Variants in PAPOLA observed in about 807,000 individuals in gnomAD.
PAPOLA encodes polynucleotide adenylyltransferase alpha.
Under a neutral mutation model 100.6 loss-of-function variants are expected in PAPOLA, and 15 were observed. The ratio of observed to expected loss-of-function variants is 0.15; its 90% CI spans 0.10 to 0.23. The LOEUF is 0.23. Among genes scored for constraint, PAPOLA ranks in the 10% least tolerant of loss-of-function variants. The probability of loss-of-function intolerance (pLI) is 1.00; values close to 1 mark genes in which losing one functional copy is unlikely to be tolerated. For synonymous variants in PAPOLA, 293 were observed against 300.0 expected (o/e 0.98, Z 0.24); for missense variants, 533 against 884.2 (o/e 0.60, Z 5.04).
chr14:96,510,670 A>G (rs753282514), intron 1 of PAPOLA, among the ~76,000 whole-genome samples: 2 of 152,188 alleles, frequency 1.3e-5, no homozygotes, highest in Non-Finnish European at 2.9e-5. Flanking sequence ...TATTAACATC[A>G]TCTTTGAGCC....
At chr14:96,537,297 A>G in intron 12 of PAPOLA, 1 of 492,434 alleles carries the variant, frequency 2.0e-6, no homozygotes, top group Non-Finnish European at 3.7e-6. Context: ...TAGCAACATA[A>G]GTTCTGTAGG....
At chr14:96,518,630 C>T (rs1483330783) in intron 1 of PAPOLA, among the ~76,000 whole-genome samples, 1 of 152,046 alleles carries the variant, frequency 6.6e-6, no homozygotes, top group East Asian at 1.9e-4. Context: ...ATCTCCTGAC[C>T]TCGTGATCCG....
intron 13 of PAPOLA, chr14:96,542,556 A>G (rs555538039): frequency 1.8e-6 from 1 of 550,906 alleles, no homozygotes; most frequent in Non-Finnish European, 3.2e-6. Flanking sequence ...TGTTTTTCTT[A>G]AAATTTTTGT....
At chr14:96,552,280 T>G (rs371623556) in intron 16 of PAPOLA, among the ~76,000 whole-genome samples, 200 bp from the exon 17 acceptor site, 1 of 152,194 alleles carries the variant, frequency 6.6e-6, no homozygotes, top group East Asian at 1.9e-4. Context: ...AGAACTATAT[T>G]TAATGTTGAT....
At position 96,542,909 on chromosome 14, in the gene PAPOLA, ATTTAATTTCTT is replaced by A. The variant is rs1900107204; in HGVS notation, c.1289+17_1289+27del. On this transcript the variant is annotated intron_variant, in intron 14 of 21. Transcript: ENST00000216277. ...ATCCCGACAAGTAAGCCCTTTTCTA[ATTTAATTTCTT>A]CTTCCCATTTCCAATTTTTATTCAT... The A allele has an allele frequency of 1.2e-6, 2 of 1,607,744 alleles. No homozygotes were observed. The highest frequency in any genetic ancestry group is 2.7e-5 in the African/African-American group (2 of 74,392).
intron 1 of PAPOLA, among the ~76,000 whole-genome samples, chr14:96,507,765 G>A (rs1896833751): frequency 6.6e-6 from 1 of 152,150 alleles, no homozygotes; most frequent in African/African-American, 2.4e-5. Flanking sequence ...GGGGTCCTGA[G>A]ACCAAAATGT....
rs1900933897 is a variant in PAPOLA at position 96,552,616 on chromosome 14, C to A, written c.1658C>A (p.Ser553Tyr). 1.2e-6 allele frequency: 2 copies of A among 1,611,970 alleles called. No homozygotes were observed. The highest frequency in any genetic ancestry group is 1.7e-6 in the Non-Finnish European group (2 of 1,179,288). Residue 553 changes from serine to tyrosine, a missense_variant, in exon 17 of 22, where the codon TCT becomes TAT. Ser to Tyr is a moderately radical substitution (Grantham distance 144, BLOSUM62 -2). Around this residue, in one of 9 missense-constraint regions of PAPOLA, gnomAD observed 242 missense variants for 281.0 expected, o/e 0.86. Transcript: ENST00000216277. The stretch of plus-strand genomic sequence containing the variant: ...AGTCCATTGAACAGTTCTGGCAGCT[C>A]TCAGGGGTAAGGAAAAAGAGGGAAA... The part of the protein sequence containing the change: ...KTSPLNSSGS[S>Y]QGRNSPAPAV...
intron 19 of PAPOLA, among the ~76,000 whole-genome samples, chr14:96,559,550 CCTCTCTCTCT>C (rs66829530): frequency 3.4e-5 from 4 of 118,482 alleles, no homozygotes; most frequent in Admixed American, 1.7e-4. Context: ...GCTAAATTAA[CCTCTCTCTCT>C]CTCTCTCTCT....
chr14:96,516,719 C>T (rs76881591), intron 1 of PAPOLA, among the ~76,000 whole-genome samples: 11,844 of 152,178 alleles, frequency 0.078, 491 homozygotes, highest in African/African-American at 0.11. Context: ...AGATGATGTG[C>T]CTACATTTGG....
intron 4 of PAPOLA, chr14:96,526,027 A>T (rs1837318056): frequency 6.6e-6 from 1 of 152,214 alleles, no homozygotes; most frequent in Non-Finnish European, 1.5e-5. Flanking sequence ...TTATAGACAA[A>T]TTATAAAATA....
chr14:96,533,167 C>T (rs1215820833), intron 9 of PAPOLA: 5 of 983,746 alleles, frequency 5.1e-6, no homozygotes, highest in Non-Finnish European at 6.0e-6. Context: ...TAGTCATTAA[C>T]CCAGATTTTT....
At chr14:96,535,737 C>G (rs1306590680) in intron 10 of PAPOLA, 142 bp from the exon 11 acceptor site, 13 of 815,540 alleles carry the variant, frequency 1.6e-5, no homozygotes, top group Non-Finnish European at 2.2e-5. Flanking sequence ...AACAATGTCT[C>G]TCTACATGGT....
chr14:96,537,759 A>G (rs1899658747), intron 12 of PAPOLA: 1 of 151,998 alleles, frequency 6.6e-6, no homozygotes, highest in Non-Finnish European at 1.5e-5. Context: ...TGGGCTGAAA[A>G]TGTGCCAAAG....
Position 96,502,482 on chromosome 14 carries a change from C to G in PAPOLA, c.-111C>G, listed in dbSNP as rs1397456294. ...AGCGGTGCGGGAGAGGGGTTGGACC[C>G]AGGGCTGAGGCAGGCCCCCCCCTCC... On this transcript the variant is annotated 5_prime_UTR_variant, in exon 1 of 22. Transcript: ENST00000216277. 3 of 831,532 alleles carry G rather than the reference C, an allele frequency of 3.6e-6. No individual in the cohort carries two copies. Among genetic ancestry groups the G allele is most frequent in the African/African-American group, 1.7e-5 (1 of 58,376 alleles). The allele number at this position is 831,532 out of a possible 1,614,324, so 51.5% of individuals were successfully genotyped here.
At chr14:96,502,766 C>T (rs976430091) in intron 1 of PAPOLA, 166 bp downstream of exon 1, 15 of 629,868 alleles carry the variant, frequency 2.4e-5, no homozygotes, top group Admixed American at 1.5e-4. Flanking sequence ...CGCTCGCCGC[C>T]GCACTTCCCC....
intron 17 of PAPOLA, among the ~76,000 whole-genome samples, chr14:96,555,344 G>T (rs916336103): frequency 3.3e-5 from 5 of 150,710 alleles, no homozygotes; most frequent in African/African-American, 1.2e-4. Flanking sequence ...GAGTGCTAGG[G>T]TTACAGGCGT....
Position 96,520,047 on chromosome 14 carries a change from GT to G in PAPOLA, c.9-5del, listed in dbSNP as rs1446928146. The G allele has an allele frequency of 1.3e-6, 2 of 1,586,530 alleles. No homozygotes were observed. Among genetic ancestry groups the G allele is most frequent in the Non-Finnish European group, 1.7e-6 (2 of 1,168,594 alleles). Reference sequence around the variant, plus strand: ...TTTGGCAGTAATTGTATCCAATTTTGTTTATAGTCCAGTTACAACACAGGGA... The same window carrying G: ...TTTGGCAGTAATTGTATCCAATTTTGTTATAGTCCAGTTACAACACAGGGA... On this transcript the variant is annotated splice_region_variant and splice_polypyrimidine_tract_variant and intron_variant, in intron 1 of 21. Transcript: ENST00000216277.
chr14:96,515,938 C>G (rs1897422634), intron 1 of PAPOLA, among the ~76,000 whole-genome samples: 1 of 152,178 alleles, frequency 6.6e-6, no homozygotes, highest in African/African-American at 2.4e-5. Context: ...TGGTAGCTGT[C>G]TGGTGTATGG....
intron 7 of PAPOLA, 26 bp from the exon 8 acceptor site, chr14:96,532,304 GT>G: frequency 1.9e-6 from 3 of 1,560,328 alleles, no homozygotes; most frequent in African/African-American, 2.8e-5. Flanking sequence ...GTGTGTGTGT[GT>G]GTTTTTTTTT....
Sources: allele counts gnomAD v4.1 joint callset (sites outside exome capture counted in the v4.1 genomes callset), GRCh38; gene constraint gnomAD v4.1.1; regional missense constraint gnomAD v4.1.1; transcripts MANE v1.5; gene names NCBI Gene and HGNC (gene_info 2026-07-23, HGNC 2026-07-21).